The following RGL1 variants were observed in gnomAD, a reference collection of about 807,000 sequenced individuals.
The protein encoded by RGL1 is ral guanine nucleotide dissociation stimulator-like 1.
RGL1 carries 24 observed loss-of-function variants against 95.2 expected under a neutral mutation model. The ratio of observed to expected loss-of-function variants is 0.25; its 90% CI spans 0.18 to 0.35. The LOEUF (loss-of-function observed/expected upper bound fraction) is 0.35, where lower values mean the gene tolerates loss of function less well. Ranked by LOEUF, RGL1 falls within the 10% of genes least tolerant of loss-of-function variation. The probability of loss-of-function intolerance (pLI) is 1.00; values close to 1 mark genes in which losing one functional copy is unlikely to be tolerated. For missense variants in RGL1, 715 were observed against 936.3 expected (o/e 0.76, Z 3.08); for synonymous variants, 329 against 344.9 (o/e 0.95, Z 0.51).
intron 1 of RGL1, among the ~76,000 whole-genome samples, chr1:183,643,262 T>TTTTTTTTATTTA (rs1553265194): frequency 5.1e-5 from 7 of 136,500 alleles, no homozygotes; most frequent in African/African-American, 8.8e-5. Flanking sequence ...GGTCCTGTTT[T>TTTTTTTTATTTA]TTTATTTATT....
intron 2 of RGL1, among the ~76,000 whole-genome samples, chr1:183,846,028 C>T (rs1030906472): frequency 6.6e-6 from 1 of 152,216 alleles, no homozygotes; most frequent in African/African-American, 2.4e-5. Context: ...TTTGTCCCAA[C>T]AATCCCATTA....
At chr1:183,895,341 A>G (rs968260320) in intron 9 of RGL1, among the ~76,000 whole-genome samples, 8 of 152,134 alleles carry the variant, frequency 5.3e-5, no homozygotes, top group Admixed American at 1.3e-4. Context: ...ACTCTGCTAA[A>G]GATGGTTATA....
chr1:183,664,935 G>A (rs1384640751), intron 1 of RGL1, among the ~76,000 whole-genome samples: 1 of 151,990 alleles, frequency 6.6e-6, no homozygotes, highest in Non-Finnish European at 1.5e-5. Context: ...AGCAGTGGTA[G>A]GAGGGGACAT....
chr1:183,845,290 C>T (rs1484681073), intron 2 of RGL1, among the ~76,000 whole-genome samples: 1 of 152,166 alleles, frequency 6.6e-6, no homozygotes, highest in Admixed American at 6.5e-5. Context: ...TTCCTTAGTG[C>T]CTATGAAGGA....
Position 183,904,889 on chromosome 1 carries a change from G to T in RGL1, c.1390G>T (p.Ala464Ser). Reference protein sequence around the residue: ...VIAQIKLLQSACNSYCMTPDQ... With the variant: ...VIAQIKLLQSSCNSYCMTPDQ... ...TGCCCAGATAAAGCTCTTACAGTCT[G>T]CCTGCAACAGCTATTGCATGACCCC... Residue 464 changes from alanine to serine, a missense_variant, in exon 13 of 18, where the codon GCC (alanine) becomes TCC (serine). Ala to Ser is a moderately conservative substitution (Grantham distance 99, BLOSUM62 1). Around this residue, in one of 3 missense-constraint regions of RGL1, gnomAD observed 330 missense variants for 429.6 expected, o/e 0.77. Coordinates refer to ENST00000360851, the MANE Select transcript of RGL1 (RefSeq NM_001297671.3). 6.2e-7 allele frequency: 1 copy of T among 1,613,558 alleles called. No individual in the cohort carries two copies. The highest frequency in any genetic ancestry group is 1.7e-4 in the Middle Eastern group (1 of 6,060).
chr1:183,743,131 G>A (rs1156371919), intron 2 of RGL1, among the ~76,000 whole-genome samples: 1 of 152,046 alleles, frequency 6.6e-6, no homozygotes, highest in Non-Finnish European at 1.5e-5. Flanking sequence ...CCTGTCTCAG[G>A]CTCCCAAGTA....
At chr1:183,879,532 A>G (rs1666706361) in intron 4 of RGL1, among the ~76,000 whole-genome samples, 1 of 152,252 alleles carries the variant, frequency 6.6e-6, no homozygotes, top group Non-Finnish European at 1.5e-5. Context: ...TAAAGTGTTT[A>G]GTTAAGATGA....
chr1:183,667,260 GT>G (rs141614031), intron 1 of RGL1, among the ~76,000 whole-genome samples: 8 of 151,938 alleles, frequency 5.3e-5, no homozygotes, highest in Non-Finnish European at 1.2e-4. Context: ...GCCAGGTTTT[GT>G]TTTTTTAGAT....
intron 1 of RGL1, among the ~76,000 whole-genome samples, chr1:183,739,397 C>G (rs972433103): frequency 3.3e-5 from 5 of 152,202 alleles, no homozygotes; most frequent in African/African-American, 1.2e-4. Flanking sequence ...CTGAACTGAT[C>G]TAGGAGAGAG....
intron 8 of RGL1, among the ~76,000 whole-genome samples, chr1:183,889,525 C>T (rs1210413463): frequency 6.6e-6 from 1 of 152,160 alleles, no homozygotes; most frequent in Non-Finnish European, 1.5e-5. Context: ...TAAGTTTACT[C>T]AGAGTTGATC....
intron 1 of RGL1, among the ~76,000 whole-genome samples, chr1:183,695,349 G>A (rs918872897): frequency 1.3e-5 from 2 of 152,170 alleles, no homozygotes; most frequent in Non-Finnish European, 2.9e-5. Flanking sequence ...TTAGTCCAGG[G>A]TTAATATGTC....
intron 2 of RGL1, among the ~76,000 whole-genome samples, chr1:183,761,328 T>C (rs1478644244): frequency 6.6e-6 from 1 of 152,224 alleles, no homozygotes; most frequent in Non-Finnish European, 1.5e-5. Context: ...TGTTATGAAA[T>C]GCTGTGAAAT....
chr1:183,878,150 T>TTCTATCTATCTA lies in RGL1; in HGVS notation c.426-2430_426-2419dup, dbSNP rs751622115. Among the ~76,000 whole-genome samples, 192 of 111,646 alleles carry TTCTATCTATCTA rather than the reference T, an allele frequency of 1.7e-3. 1 individual carries two copies. Among genetic ancestry groups the TTCTATCTATCTA allele is most frequent in the East Asian group, 3.3e-3 (13 of 3,928 alleles). 73.2% of individuals were successfully genotyped at this position (111,646 alleles called of 152,430 possible). A position where few individuals can be genotyped will look rare whatever the true frequency, so the allele number is the denominator to read the frequency against. On this transcript the variant is annotated intron_variant, in intron 4 of 17. Transcript: ENST00000360851. ...GTAAAAAAGCCCATGTTGATTTTCT[T>TTCTATCTATCTA]TCTATCTATCTATCTATCTATCTAT... is the stretch of plus-strand genomic sequence containing the variant.
intron 4 of RGL1, among the ~76,000 whole-genome samples, chr1:183,873,355 C>G (rs530758887): frequency 1.3e-5 from 2 of 152,342 alleles, no homozygotes; most frequent in Middle Eastern, 3.4e-3. Flanking sequence ...AGGCATTCTG[C>G]TAAGTACTTT....
chr1:183,728,462 T>C (rs1656435469), intron 1 of RGL1, among the ~76,000 whole-genome samples: 1 of 152,186 alleles, frequency 6.6e-6, no homozygotes, highest in Non-Finnish European at 1.5e-5. Context: ...AAATAAAGTA[T>C]ATGTTAAAAC....
intron 1 of RGL1, among the ~76,000 whole-genome samples, chr1:183,720,343 C>T (rs6691951): frequency 6.6e-6 from 1 of 152,194 alleles, no homozygotes; most frequent in South Asian, 2.1e-4. Flanking sequence ...GCCTCTGGCA[C>T]CCACACAGCA....
chr1:183,912,768 C>T (rs1345558115), intron 15 of RGL1, among the ~76,000 whole-genome samples: 9 of 152,206 alleles, frequency 5.9e-5, no homozygotes, highest in South Asian at 2.1e-4. Flanking sequence ...TTCCACTTGC[C>T]TCTCATTATT....
At chr1:183,682,572 G>A (rs866951175) in intron 1 of RGL1, among the ~76,000 whole-genome samples, 23 of 152,286 alleles carry the variant, frequency 1.5e-4, no homozygotes, top group African/African-American at 5.3e-4. Context: ...TTGCTGAGGA[G>A]TGTTTTACTT....
At position 183,797,186 on chromosome 1, in the gene RGL1, G is replaced by A. The variant is rs975974442; in HGVS notation, c.133-9189G>A. Among the ~76,000 whole-genome samples, 15 of 152,214 alleles carry A rather than the reference G, an allele frequency of 9.9e-5. No homozygotes were observed. In the East Asian group the frequency reaches 1.2e-3, roughly 12 times the overall value. ...CTCTATAAAAAATACAAAATTAGCC[G>A]GGCGTGGTGGTGGGCACATGTGATC... On this transcript the variant is annotated intron_variant, in intron 2 of 18. Transcript: ENST00000304685.
Sources: gnomAD v4.1 joint callset for allele counts (sites outside exome capture counted in the v4.1 genomes callset) on GRCh38, gnomAD v4.1.1 for gene constraint, gnomAD v4.1.1 regional missense constraint, MANE v1.5 for transcripts, NCBI Gene and HGNC (gene_info 2026-07-23, HGNC 2026-07-21) for gene names.